The following GRIN2A variants were observed in gnomAD, a reference collection of about 807,000 sequenced individuals.
GRIN2A encodes glutamate ionotropic receptor NMDA type subunit 2A, also known as glutamate receptor ionotropic, NMDA 2A.
In GRIN2A, 22 loss-of-function variants were observed where a neutral mutation model predicts 113.4. The observed-to-expected ratio is 0.19, with a 90% confidence interval of 0.14 to 0.28. GRIN2A has a LOEUF of 0.28. Ranked by LOEUF, GRIN2A falls within the 10% of genes least tolerant of loss-of-function variation. The probability of loss-of-function intolerance (pLI) is 1.00; values close to 1 mark genes in which losing one functional copy is unlikely to be tolerated. For synonymous variants in GRIN2A, 827 were observed against 738.4 expected (o/e 1.12, Z -1.94); for missense variants, 1,502 against 1,887.0 (o/e 0.80, Z 3.78).
At chr16:10,056,977 C>T (rs752465446) in intron 2 of GRIN2A, among the ~76,000 whole-genome samples, 1 of 152,012 alleles carries the variant, frequency 6.6e-6, no homozygotes, top group Non-Finnish European at 1.5e-5. Context: ...AACCCCCAGC[C>T]AGTAATCTTC....
At chr16:9,982,965 C>A (rs1250626431) in intron 2 of GRIN2A, among the ~76,000 whole-genome samples, 1 of 152,080 alleles carries the variant, frequency 6.6e-6, no homozygotes, top group African/African-American at 2.4e-5. Flanking sequence ...AAAAATACAT[C>A]ATAAGTTCAT....
Position 9,763,529 on chromosome 16 carries a change from T to C in GRIN2A, c.4015A>G (p.Lys1339Glu), listed in dbSNP as rs754686222. Residue 1339 changes from lysine to glutamate, a missense_variant, in exon 13 of 13, where the codon AAA becomes GAA. By Grantham distance (56) the Lys-to-Glu change is moderately conservative. Around this residue, in one of 7 missense-constraint regions of GRIN2A, gnomAD observed 832 missense variants for 789.7 expected, o/e 1.05. Transcript: ENST00000330684. ...FSVPSSKLSG[K>E]KSSLFPQGLE... ...CCTTGGGGGAAAAGGGAGCTTTTTT[T>C]CCCCGAGAGTTTGCTTGAGGGGACA... 15 of 1,613,876 alleles carry C rather than the reference T, an allele frequency of 9.3e-6. No homozygotes were observed. Among genetic ancestry groups the C allele is most frequent in the East Asian group, 6.7e-5 (3 of 44,876 alleles).
At chr16:9,917,513 C>T (rs931496066) in intron 3 of GRIN2A, among the ~76,000 whole-genome samples, 1 of 152,234 alleles carries the variant, frequency 6.6e-6, no homozygotes, top group African/African-American at 2.4e-5. Context: ...ATATCGCCTA[C>T]CTCACAGCTA....
chr16:10,084,100 A>G (rs958025147), intron 2 of GRIN2A, among the ~76,000 whole-genome samples: 1 of 151,724 alleles, frequency 6.6e-6, no homozygotes, highest in Non-Finnish European at 1.5e-5. Flanking sequence ...GACCCTGTCT[A>G]ACAACAACAA....
chr16:9,841,376 T>C lies in GRIN2A; in HGVS notation c.1329-272A>G, dbSNP rs7200793. 0.044 allele frequency among the ~76,000 whole-genome samples: 6,705 copies of C among 152,304 alleles called. 502 individuals carry two copies. The highest frequency in any genetic ancestry group is 0.15 in the African/African-American group (6,356 of 41,532). On this transcript the variant is annotated intron_variant, in intron 5 of 12. Coordinates refer to ENST00000330684, the MANE Select transcript of GRIN2A (RefSeq NM_001134407.3). The stretch of plus-strand genomic sequence containing the variant: ...TTCATACTAATTGTTGAATTAATCT[T>C]CATGACATTTTCTGAATTAGTTGAT...
At chr16:9,993,052 C>A (rs2046152622) in intron 2 of GRIN2A, among the ~76,000 whole-genome samples, 1 of 132,438 alleles carries the variant, frequency 7.6e-6, no homozygotes, top group South Asian at 2.6e-4. Context: ...CTCATCTCTA[C>A]CAAAAATACA....
chr16:10,058,111 T>G, intron 2 of GRIN2A, among the ~76,000 whole-genome samples: 1 of 151,752 alleles, frequency 6.6e-6, no homozygotes, highest in African/African-American at 2.4e-5. Context: ...AAAAATCAGC[T>G]GGGCGTGGTG....
At chr16:9,899,468 T>G (rs920205916) in intron 3 of GRIN2A, among the ~76,000 whole-genome samples, 7 of 67,368 alleles carry the variant, frequency 1.0e-4, no homozygotes, top group African/African-American at 2.9e-4. Context: ...AAAAAAAAAG[T>G]CAAGACAGAA....
intron 2 of GRIN2A, among the ~76,000 whole-genome samples, chr16:10,127,275 G>A (rs913383870): frequency 4.0e-5 from 6 of 151,514 alleles, no homozygotes; most frequent in African/African-American, 1.5e-4. Context: ...GAAAGTCTTT[G>A]GGTGTTTATT....
At chr16:10,081,436 G>T (rs763168397) in intron 2 of GRIN2A, among the ~76,000 whole-genome samples, 1 of 152,170 alleles carries the variant, frequency 6.6e-6, no homozygotes, top group Non-Finnish European at 1.5e-5. Context: ...CAATCAAACT[G>T]TCACTTTGTT....
chr16:9,805,630 T>G (rs2041951047), intron 10 of GRIN2A: 1 of 152,212 alleles, frequency 6.6e-6, no homozygotes, highest in African/African-American at 2.4e-5. Context: ...TGAGCTTCAG[T>G]ATTCTCATCT....
At chr16:9,922,285 G>T (rs2044371846) in intron 3 of GRIN2A, among the ~76,000 whole-genome samples, 1 of 151,410 alleles carries the variant, frequency 6.6e-6, no homozygotes, top group Admixed American at 6.6e-5. Context: ...CCAGATTATT[G>T]TAACCAACAC....
intron 2 of GRIN2A, among the ~76,000 whole-genome samples, chr16:10,091,072 G>T (rs745555634): frequency 1.3e-5 from 2 of 152,196 alleles, no homozygotes; most frequent in Non-Finnish European, 2.9e-5. Flanking sequence ...CACAGAAACT[G>T]AAACCCTTGT....
intron 2 of GRIN2A, among the ~76,000 whole-genome samples, chr16:10,104,649 C>T (rs777334399): frequency 1.1e-4 from 17 of 152,048 alleles, no homozygotes; most frequent in Admixed American, 6.5e-4. Context: ...CTCCAGGGTG[C>T]GCACATGACA....
chr16:9,976,021 AG>A (rs1251407574), intron 2 of GRIN2A, among the ~76,000 whole-genome samples: 1 of 152,240 alleles, frequency 6.6e-6, no homozygotes, highest in Non-Finnish European at 1.5e-5. Context: ...TGGAACTAAA[AG>A]GAAAAATAGA....
Position 9,938,292 on chromosome 16 carries a change from G to A in GRIN2A, c.674C>T (p.Ser225Phe), listed in dbSNP as rs2044764316. ...TQVQLKKIHS[S>F]VILLYCSKDE... Reference sequence around the variant, plus strand: ...TTTGGAACAGTAGAGCAAGATGACAGAAGAGTGGATCTTCTTCAGCTGGAC... The same window carrying A: ...TTTGGAACAGTAGAGCAAGATGACAAAAGAGTGGATCTTCTTCAGCTGGAC... The change falls in exon 3 of 13, where the codon TCT becomes TTT. Residue 225 changes from serine to phenylalanine, a missense_variant. This residue lies in a region of GRIN2A where 334 missense variants were observed against 403.0 expected (regional missense o/e 0.83). Coordinates refer to ENST00000330684, the MANE Select transcript of GRIN2A (RefSeq NM_001134407.3). 1.2e-6 allele frequency: 2 copies of A among 1,614,120 alleles called. No individual in the cohort carries two copies. The highest frequency in any genetic ancestry group is 1.1e-5 in the South Asian group (1 of 91,082).
intron 2 of GRIN2A, among the ~76,000 whole-genome samples, chr16:10,122,323 G>A (rs1435643623): frequency 2.6e-5 from 4 of 152,176 alleles, no homozygotes; most frequent in Non-Finnish European, 5.9e-5. Context: ...TGTTAAAGCT[G>A]GAGGAGTTTT....
At chr16:10,062,239 A>G (rs759989521) in intron 2 of GRIN2A, among the ~76,000 whole-genome samples, 1 of 152,218 alleles carries the variant, frequency 6.6e-6, no homozygotes, top group Non-Finnish European at 1.5e-5. Context: ...AACACTTCAG[A>G]TTACAACTAC....
intron 2 of GRIN2A, among the ~76,000 whole-genome samples, chr16:10,145,210 G>C (rs922483216): frequency 2.6e-5 from 4 of 152,138 alleles, no homozygotes; most frequent in African/African-American, 7.2e-5. Context: ...GTTCAATAAA[G>C]TTTTAGTTAT....
Sources: gnomAD v4.1 joint callset for allele counts (sites outside exome capture counted in the v4.1 genomes callset) on GRCh38, gnomAD v4.1.1 for gene constraint, gnomAD v4.1.1 regional missense constraint, MANE v1.5 for transcripts, NCBI Gene and HGNC (gene_info 2026-07-23, HGNC 2026-07-21) for gene names.